IREB2: variants seen among roughly 807,000 people sequenced by gnomAD.
The protein encoded by IREB2 is iron-responsive element-binding protein 2.
IREB2 carries 39 observed loss-of-function variants against 118.8 expected under a neutral mutation model. The observed-to-expected ratio is 0.33, with a 90% confidence interval of 0.25 to 0.43. The LOEUF is 0.43. Ranked by LOEUF, IREB2 falls within the 20% of genes least tolerant of loss-of-function variation. The pLI, the probability that IREB2 is intolerant of heterozygous loss-of-function variation, is 1.00. For synonymous variants in IREB2, 372 were observed against 392.2 expected (o/e 0.95, Z 0.61); for missense variants, 900 against 1,147.3 (o/e 0.78, Z 3.11).
At chr15:78,441,498 C>A (rs1595981381) in intron 2 of IREB2, among the ~76,000 whole-genome samples, 1 of 152,232 alleles carries the variant, frequency 6.6e-6, no homozygotes, top group East Asian at 1.9e-4. Context: ...TCTTTTAACC[C>A]AAATTTCATA....
In IREB2 at chr15:78,439,857, G is replaced by A; in HGVS notation, c.82G>A (p.Val28Ile). 1 of 1,602,422 alleles carries A rather than the reference G, an allele frequency of 6.2e-7. No homozygotes were observed. The highest frequency in any genetic ancestry group is 8.5e-7 in the Non-Finnish European group (1 of 1,172,576). ...CAGTTCACATAAGAAGTTCTTCGAT[G>A]TATCTAAACTTGGCACCAAGTATGG... ...NDSSHKKFFD[V>I]SKLGTKYDVL... The change falls in exon 2 of 22, where the codon GTA (valine) becomes ATA (isoleucine). Residue 28 changes from valine (V) to isoleucine (I), a missense_variant. Physicochemically the swap from Val to Ile is conservative, Grantham distance 29. Transcript: ENST00000258886.
At chr15:78,438,790 G>C (rs541725613) in intron 1 of IREB2, 1 of 200,762 alleles carries the variant, frequency 5.0e-6, no homozygotes, top group Admixed American at 5.6e-5. Flanking sequence ...CCACGGTCCA[G>C]CCTAAGGCCC....
rs1022819927 is a variant in IREB2, at chr15:78,498,824, A to C, written c.*681A>C. On this transcript the variant is annotated 3_prime_UTR_variant, in exon 22 of 22. Transcript: ENST00000258886. ...TGTGGCACCATGTATTAGCAGTGGG[A>C]ATATGTATCACATATGATGCAGCCT... 2.0e-5 allele frequency: 3 copies of C among 152,252 alleles called. No individual in the cohort carries two copies. The highest frequency in any genetic ancestry group is 6.5e-5 in the Admixed American group (1 of 15,284). The allele number at this position is 152,252 out of a possible 1,614,324, so 9.4% of individuals were successfully genotyped here.
In IREB2 at chr15:78,490,494, T is replaced by G. The variant is rs2051732356; in HGVS notation, c.2149T>G (p.Tyr717Asp). ...GTTTCCATGGGACTTAAAGTCTACT[T>G]ATATCAGATGCCCTTCATTTTTTGA... ...VLFPWDLKST[Y>D]IRCPSFFDKL... Residue 717 changes from tyrosine to aspartate, a missense_variant, in exon 17 of 22, where the codon TAT becomes GAT. Tyr to Asp is a radical substitution (Grantham distance 160). Transcript: ENST00000258886. The G allele has an allele frequency of 6.2e-7, 1 of 1,608,118 alleles. No individual in the cohort carries two copies. The highest frequency in any genetic ancestry group is 8.5e-7 in the Non-Finnish European group (1 of 1,178,298).
intron 5 of IREB2, among the ~76,000 whole-genome samples, chr15:78,469,072 C>G (rs17484235): frequency 0.23 from 35,524 of 151,978 alleles, 5,424 homozygotes; most frequent in Middle Eastern, 0.37. Context: ...ATTTTGACTC[C>G]GAATTACAAA....
At position 78,488,767 on chromosome 15, in the gene IREB2, T is replaced by C; in HGVS notation, c.2072T>C (p.Ile691Thr). ...ATGTTTAAAGCATTAAAAGATAAAA[T>C]AGAAGTAAGAGTCTTATGTGTTTCT... is the stretch of plus-strand genomic sequence containing the variant. ...LSMFKALKDKIEMGNKRWNSL... is the reference protein window; with the variant it reads ...LSMFKALKDKTEMGNKRWNSL... The change falls in exon 16 of 22, where the codon ATA becomes ACA. Residue 691 changes from isoleucine (I) to threonine (T), a missense_variant. Coordinates refer to ENST00000258886, the MANE Select transcript of IREB2 (RefSeq NM_004136.4). 6.7e-7 allele frequency: 1 copy of C among 1,492,016 alleles called. No homozygotes were observed. The highest frequency in any genetic ancestry group is 9.3e-7 in the Non-Finnish European group (1 of 1,078,766). The allele number at this position is 1,492,016 out of a possible 1,614,324, so 92.4% of individuals were successfully genotyped here.
rs35092289 is a variant in IREB2 at position 78,450,824 on chromosome 15, TTGTGTGTGTGTGTG to T, written c.106+10979_106+10992del. ...GAGGGCTGTGGTGATATTAACAAAT[TTGTGTGTGTGTGTG>T]TGTGTGTGTGTGTGTGTGTGTGTGT... is the stretch of plus-strand genomic sequence containing the variant. On this transcript the variant is annotated intron_variant, in intron 2 of 21. Coordinates refer to ENST00000258886, the MANE Select transcript of IREB2 (RefSeq NM_004136.4). Among the ~76,000 whole-genome samples the T allele has an allele frequency of 4.4e-3, 584 of 134,122 alleles. 2 individuals carry two copies. Among genetic ancestry groups the T allele is most frequent in the African/African-American group, 0.011 (408 of 35,590 alleles). 88.0% of individuals were successfully genotyped at this position (134,122 alleles called of 152,430 possible).
intron 8 of IREB2, chr15:78,475,672 CCT>C (rs2051457000): frequency 6.6e-6 from 1 of 151,086 alleles, no homozygotes; most frequent in African/African-American, 2.4e-5. Context: ...ATTGTAAGAC[CCT>C]GTCTCTACAA....
At chr15:78,476,119 G>C in intron 8 of IREB2, 69 bp from the exon 9 acceptor site, 5 of 1,212,510 alleles carry the variant, frequency 4.1e-6, no homozygotes, top group Non-Finnish European at 5.7e-6. Context: ...TTATTTTATA[G>C]TTTTCAGACA....
chr15:78,462,496 A>T lies in IREB2; in HGVS notation c.107-426A>T, dbSNP rs533516180. On this transcript the variant is annotated intron_variant, in intron 2 of 21. Coordinates refer to ENST00000258886, the MANE Select transcript of IREB2 (RefSeq NM_004136.4). The stretch of plus-strand genomic sequence containing the variant: ...AAACTTTAATCATTTTTGATGGAAA[A>T]TTTTAAATTTATTACAGACATTTAT... Among the ~76,000 whole-genome samples, 9 of 152,284 alleles carry T rather than the reference A, an allele frequency of 5.9e-5. No homozygotes were observed. In the East Asian group the frequency reaches 1.7e-3, roughly 29 times the overall value.
At chr15:78,455,639 A>G (rs1381632180) in intron 2 of IREB2, among the ~76,000 whole-genome samples, 1 of 152,108 alleles carries the variant, frequency 6.6e-6, no homozygotes, top group Non-Finnish European at 1.5e-5. Context: ...TTTACTCTCT[A>G]TTGTTGTAAC....
chr15:78,447,435 A>G (rs930221658), intron 2 of IREB2, among the ~76,000 whole-genome samples: 3 of 151,806 alleles, frequency 2.0e-5, no homozygotes, highest in African/African-American at 7.3e-5. Context: ...GGTTCAAGCA[A>G]TTCTCCTGCC....
At chr15:78,490,126 GT>G (rs2051724860) in intron 16 of IREB2, among the ~76,000 whole-genome samples, 1 of 152,094 alleles carries the variant, frequency 6.6e-6, no homozygotes, top group African/African-American at 2.4e-5. Flanking sequence ...AGAACACACT[GT>G]TTTGGCTGGG....
intron 2 of IREB2, among the ~76,000 whole-genome samples, chr15:78,454,774 G>C (rs916007168): frequency 6.6e-6 from 1 of 152,188 alleles, no homozygotes; most frequent in African/African-American, 2.4e-5. Flanking sequence ...GCTCACTGCA[G>C]CCTTGACCTC....
chr15:78,467,761 T>A (rs913461594), intron 5 of IREB2, among the ~76,000 whole-genome samples: 3 of 152,228 alleles, frequency 2.0e-5, no homozygotes, highest in African/African-American at 7.2e-5. Context: ...AATTTATTTA[T>A]TTATTTTTAG....
At chr15:78,462,771 G>A (rs1173744383) in intron 2 of IREB2, 151 bp from the exon 3 acceptor site, 3 of 559,110 alleles carry the variant, frequency 5.4e-6, no homozygotes, top group African/African-American at 1.9e-5. Flanking sequence ...CACGAATGGT[G>A]TTACACTCTA....
intron 5 of IREB2, 91 bp from the exon 6 acceptor site, chr15:78,470,441 A>G: frequency 1.5e-6 from 1 of 657,474 alleles, no homozygotes; most frequent in Non-Finnish European, 2.6e-6. Context: ...ATATTTGTGT[A>G]TATATATGCC....
chr15:78,467,558 G>T (rs997509379), intron 5 of IREB2, among the ~76,000 whole-genome samples: 2 of 151,984 alleles, frequency 1.3e-5, no homozygotes, highest in Non-Finnish European at 2.9e-5. Flanking sequence ...AGGCATGGTG[G>T]CAGGAACCTG....
chr15:78,466,107 A>G (rs2051276681), intron 4 of IREB2, among the ~76,000 whole-genome samples, 164 bp from the exon 5 acceptor site: 1 of 152,150 alleles, frequency 6.6e-6, no homozygotes, highest in African/African-American at 2.4e-5. Flanking sequence ...TTTTATATAT[A>G]TATAATCTGA....
Sources: allele counts gnomAD v4.1 joint callset (sites outside exome capture counted in the v4.1 genomes callset), GRCh38; gene constraint gnomAD v4.1.1; transcripts MANE v1.5; gene names NCBI Gene and HGNC (gene_info 2026-07-23, HGNC 2026-07-21).